Variants in ROBO2 observed in about 807,000 individuals in gnomAD.
ROBO2 encodes the protein roundabout guidance receptor 2, also known as roundabout homolog 2.
In ROBO2, 53 loss-of-function variants were observed where a neutral mutation model predicts 160.8. The ratio of observed to expected loss-of-function variants is 0.33; its 90% CI spans 0.26 to 0.41. The LOEUF (loss-of-function observed/expected upper bound fraction) is 0.41. Among genes scored for constraint, ROBO2 ranks in the 10% least tolerant of loss-of-function variants. The pLI is 1.00. For synonymous variants in ROBO2, 664 were observed against 611.7 expected (o/e 1.09, Z -1.26); for missense variants, 1,577 against 1,722.4 (o/e 0.92, Z 1.49).
chr3:76,293,722 A>G lies in ROBO2; in HGVS notation c.109+356120A>G, dbSNP rs1049110343. The stretch of plus-strand genomic sequence containing the variant: ...GAATCAACCCTTCTAAAGCCTCAAG[A>G]TCACCTTTCCAGGATTTGATAGGAT... On this transcript the variant is annotated intron_variant, in intron 2 of 26. Coordinates refer to the ROBO2 transcript ENST00000487694. 2.6e-5 allele frequency among the ~76,000 whole-genome samples: 4 copies of G among 152,304 alleles called. No homozygotes were observed. In the East Asian group the frequency reaches 7.7e-4, roughly 29 times the overall value.
At chr3:75,991,922 C>G (rs757072479) in intron 2 of ROBO2, among the ~76,000 whole-genome samples, 1 of 152,146 alleles carries the variant, frequency 6.6e-6, no homozygotes. Context: ...CATTTTGCCC[C>G]TGCCCTAGAG....
intron 4 of ROBO2, among the ~76,000 whole-genome samples, chr3:77,484,323 T>C (rs2085065014): frequency 6.6e-6 from 1 of 152,070 alleles, no homozygotes; most frequent in African/African-American, 2.4e-5. Flanking sequence ...TTTCTAATTA[T>C]GAGTAGATTT....
intron 2 of ROBO2, among the ~76,000 whole-genome samples, chr3:76,657,894 A>G (rs184922902): frequency 6.7e-6 from 1 of 148,254 alleles, no homozygotes; most frequent in African/African-American, 2.5e-5. Flanking sequence ...GTATATATAT[A>G]TATGTGTGTG....
At chr3:76,738,363 C>T (rs1402492373) in intron 2 of ROBO2, among the ~76,000 whole-genome samples, 5 of 152,094 alleles carry the variant, frequency 3.3e-5, no homozygotes, top group Admixed American at 2.6e-4. Flanking sequence ...GGCTTCTCAA[C>T]GTCAGCACTG....
At chr3:76,443,562 T>G (rs1296277958) in intron 2 of ROBO2, among the ~76,000 whole-genome samples, 1 of 152,144 alleles carries the variant, frequency 6.6e-6, no homozygotes, top group Non-Finnish European at 1.5e-5. Context: ...TCAGCATAAT[T>G]TATATCCCTG....
At chr3:76,912,608 C>G (rs866240574) in intron 2 of ROBO2, among the ~76,000 whole-genome samples, 8 of 152,172 alleles carry the variant, frequency 5.3e-5, no homozygotes, top group South Asian at 4.1e-4. Flanking sequence ...GCTCCATTTT[C>G]CAATTAAAGA....
At chr3:77,177,151 T>G (rs1016163735) in intron 2 of ROBO2, among the ~76,000 whole-genome samples, 2 of 152,010 alleles carry the variant, frequency 1.3e-5, no homozygotes, top group Middle Eastern at 3.2e-3. Context: ...TGATTAGAAT[T>G]TTATAATATA....
At chr3:77,236,477 G>A (rs149642277) in intron 2 of ROBO2, among the ~76,000 whole-genome samples, 2 of 152,308 alleles carry the variant, frequency 1.3e-5, no homozygotes, top group East Asian at 1.9e-4. Flanking sequence ...CATGGCCTGA[G>A]CCAGTTTTTC....
At chr3:77,546,613 T>G in intron 7 of ROBO2, 151 bp downstream of exon 8, 1 of 996,906 alleles carries the variant, frequency 1.0e-6, no homozygotes, top group South Asian at 1.4e-5. Flanking sequence ...TAAGTAGGAG[T>G]CAGATGTTCT....
At chr3:77,427,489 C>A (rs953548701) in intron 2 of ROBO2, among the ~76,000 whole-genome samples, 1 of 152,136 alleles carries the variant, frequency 6.6e-6, no homozygotes, top group Non-Finnish European at 1.5e-5. Context: ...AACTCCTGTT[C>A]GCACAAAGCA....
chr3:77,307,752 G>T (rs183035048), intron 2 of ROBO2, among the ~76,000 whole-genome samples: 1 of 152,004 alleles, frequency 6.6e-6, no homozygotes, highest in African/African-American at 2.4e-5. Flanking sequence ...GCATGGTGGC[G>T]GGCGCCTGTA....
Position 77,162,544 on chromosome 3 carries a change from G to A in ROBO2, c.388+64204G>A, listed in dbSNP as rs527377419. On this transcript the variant is annotated intron_variant, in intron 2 of 25. Transcript: ENST00000461745. ...CCATTTTATGGATGCCAAGTTCAGC[G>A]TCTTAGTGAGTTCTGGAAACTTACA... is the stretch of plus-strand genomic sequence containing the variant. Among the ~76,000 whole-genome samples the A allele has an allele frequency of 4.6e-5, 7 of 152,254 alleles. No individual in the cohort carries two copies. In the South Asian group the frequency reaches 8.3e-4, roughly 18 times the overall value.
chr3:77,522,663 GTA>G (rs1582680826), intron 5 of ROBO2, 110 bp from the exon 6 acceptor site: 1 of 1,037,894 alleles, frequency 9.6e-7, no homozygotes, highest in African/African-American at 1.6e-5. Context: ...GTGTGTGTGT[GTA>G]TTTGTGTTTA....
At chr3:77,503,689 T>C (rs1436757402) in intron 5 of ROBO2, among the ~76,000 whole-genome samples, 1 of 152,038 alleles carries the variant, frequency 6.6e-6, no homozygotes, top group Non-Finnish European at 1.5e-5. Flanking sequence ...TGGTTATGAG[T>C]TAACAGGTAG....
chr3:76,194,272 A>C (rs1014364090), intron 2 of ROBO2, among the ~76,000 whole-genome samples: 8 of 147,812 alleles, frequency 5.4e-5, no homozygotes, highest in Non-Finnish European at 8.9e-5. Flanking sequence ...TTTAGCACAT[A>C]TTTTAGTTTT....
chr3:76,363,106 C>A (rs1296646879), intron 2 of ROBO2, among the ~76,000 whole-genome samples: 1 of 151,944 alleles, frequency 6.6e-6, no homozygotes, highest in Non-Finnish European at 1.5e-5. Flanking sequence ...ATCAAATGAT[C>A]TAAGTAGATG....
rs1324316632 is a variant in ROBO2, at chr3:76,585,844, A to G, written c.110-512170A>G. On this transcript the variant is annotated intron_variant, in intron 2 of 26. Transcript: ENST00000487694. ...GGAAAATGCCTGTGTCTGTATGTAC[A>G]TGCGTATACAGTATGTTATATACAC... Among the ~76,000 whole-genome samples the G allele has an allele frequency of 2.6e-5, 4 of 152,318 alleles. No homozygotes were observed. The East Asian group carries it at 7.7e-4, about 29-fold the overall frequency.
intron 2 of ROBO2, among the ~76,000 whole-genome samples, chr3:76,394,329 C>G (rs1179337909): frequency 6.6e-6 from 1 of 152,006 alleles, no homozygotes; most frequent in Non-Finnish European, 1.5e-5. Context: ...CTGGTGGTGA[C>G]AAAATCTCTC....
chr3:75,927,614 C>T (rs1391254905), intron 1 of ROBO2, among the ~76,000 whole-genome samples: 2 of 152,158 alleles, frequency 1.3e-5, no homozygotes, highest in Non-Finnish European at 2.9e-5. Flanking sequence ...ATATATGTTC[C>T]ACACAGAATG....
Sources: allele counts gnomAD v4.1 joint callset (sites outside exome capture counted in the v4.1 genomes callset), GRCh38; gene constraint gnomAD v4.1.1; transcripts MANE v1.5; gene names NCBI Gene and HGNC (gene_info 2026-07-23, HGNC 2026-07-21).